FBXW8: variants seen among roughly 807,000 people sequenced by gnomAD.
FBXW8 encodes the protein F-box/WD repeat-containing protein 8.
A neutral mutation model predicts 65.3 loss-of-function variants in FBXW8; 57 were observed. That is an observed-to-expected ratio of 0.87 (90% CI 0.71 to 1.09). The LOEUF (loss-of-function observed/expected upper bound fraction) is 1.09. Ranked by LOEUF, FBXW8 falls within the 50% of genes least tolerant of loss-of-function variation. The probability of loss-of-function intolerance (pLI) is 0.00; values close to 1 mark genes in which losing one functional copy is unlikely to be tolerated. For synonymous variants in FBXW8, 308 were observed against 330.2 expected (o/e 0.93, Z 0.73); for missense variants, 777 against 814.8 (o/e 0.95, Z 0.57).
intron 5 of FBXW8, among the ~76,000 whole-genome samples, chr12:116,982,678 C>T (rs1885398283): frequency 6.7e-6 from 1 of 149,280 alleles, no homozygotes; most frequent in Non-Finnish European, 1.5e-5. Context: ...CTGTGCTACT[C>T]AACCTTGTGG....
At chr12:116,927,908 C>A in intron 1 of FBXW8, 115 bp from the exon 2 acceptor site, 1 of 632,300 alleles carries the variant, frequency 1.6e-6, no homozygotes. Context: ...TGGGAAACAG[C>A]CTCATCTATC....
intron 7 of FBXW8, 42 bp downstream of exon 7, chr12:116,988,911 A>G: frequency 6.5e-7 from 1 of 1,543,938 alleles, no homozygotes; most frequent in Non-Finnish European, 8.9e-7. Flanking sequence ...AAAAGAATAT[A>G]GATTTATTTT....
intron 5 of FBXW8, among the ~76,000 whole-genome samples, chr12:116,971,781 C>A (rs545174115): frequency 1.1e-4 from 17 of 151,654 alleles, no homozygotes; most frequent in Non-Finnish European, 2.2e-4. Flanking sequence ...GCTGTGGGAT[C>A]TCGGTACCAG....
intron 2 of FBXW8, among the ~76,000 whole-genome samples, chr12:116,932,361 C>G (rs1038380382): frequency 6.6e-6 from 1 of 152,134 alleles, no homozygotes; most frequent in Non-Finnish European, 1.5e-5. Flanking sequence ...GCAAAATTCA[C>G]TGGTAGGAAA....
chr12:116,932,258 CA>C (rs34535467), intron 2 of FBXW8, among the ~76,000 whole-genome samples: 1 of 152,036 alleles, frequency 6.6e-6, no homozygotes, highest in Non-Finnish European at 1.5e-5. Context: ...CCATAACTGC[CA>C]AAAAATTAGT....
At chr12:117,009,585 A>G (rs1199719767) in intron 7 of FBXW8, among the ~76,000 whole-genome samples, 1 of 152,070 alleles carries the variant, frequency 6.6e-6, no homozygotes, top group Non-Finnish European at 1.5e-5. Context: ...CATAGGAAGC[A>G]TTTAATGTTC....
intron 8 of FBXW8, among the ~76,000 whole-genome samples, chr12:117,022,610 G>A (rs1449788227): frequency 6.6e-6 from 1 of 152,126 alleles, no homozygotes; most frequent in Non-Finnish European, 1.5e-5. Flanking sequence ...AGCCATGATG[G>A]TGCCACTACA....
chr12:116,956,770 C>A (rs532122454), intron 4 of FBXW8, among the ~76,000 whole-genome samples: 2 of 152,134 alleles, frequency 1.3e-5, no homozygotes, highest in African/African-American at 4.8e-5. Context: ...GAGTTTGAGA[C>A]CAGCCTGGCT....
Position 116,983,092 on chromosome 12 carries a change from C to T in FBXW8, c.836-2114C>T, listed in dbSNP as rs960313201. Among the ~76,000 whole-genome samples the T allele has an allele frequency of 3.9e-5, 6 of 152,274 alleles. No homozygotes were observed. In the East Asian group the frequency reaches 9.6e-4, roughly 24 times the overall value. ...TGAATGCCCAGTGAGAGGAGACACACGAGTCTCTGAAGACTCAGAAGCTCT... is the reference window on the plus strand; with the variant it reads ...TGAATGCCCAGTGAGAGGAGACACATGAGTCTCTGAAGACTCAGAAGCTCT... On this transcript the variant is annotated intron_variant, in intron 5 of 10. Transcript: ENST00000652555.
At chr12:116,929,192 C>T (rs138087117) in intron 2 of FBXW8, among the ~76,000 whole-genome samples, 107 of 152,258 alleles carry the variant, frequency 7.0e-4, no homozygotes, top group African/African-American at 2.5e-3. Context: ...CCATTAACAT[C>T]GTTCTCTTGT....
At position 116,967,159 on chromosome 12, in the gene FBXW8, CT is replaced by C. The variant is rs769662348; in HGVS notation, c.835+2320del. Among the ~76,000 whole-genome samples, 970 of 141,974 alleles carry C rather than the reference CT, an allele frequency of 6.8e-3. 4 individuals carry two copies. The highest frequency in any genetic ancestry group is 8.7e-3 in the East Asian group (43 of 4,920). The allele number at this position is 141,974 out of a possible 152,430, so 93.1% of individuals were successfully genotyped here. Reference sequence around the variant, plus strand: ...TCCTGCTCTGTATACTTCTCTGCACCTTTTTTTTTTTTTTTAATAACCTAAT... The same window carrying C: ...TCCTGCTCTGTATACTTCTCTGCACCTTTTTTTTTTTTTTAATAACCTAAT... On this transcript the variant is annotated intron_variant, in intron 5 of 10. Coordinates refer to ENST00000652555, the MANE Select transcript of FBXW8 (RefSeq NM_153348.3).
At position 116,911,016 on chromosome 12, in the gene FBXW8, TGGAGCGCCG is replaced by T; in HGVS notation, c.-15_-7del. On this transcript the variant is annotated 5_prime_UTR_variant, in exon 1 of 11. Transcript: ENST00000652555. ...GCACCCGGTGGAACCGAGGAGAACG[TGGAGCGCCG>T]GGAGCGGCGAATATGGACGACTACA... 1 of 1,387,256 alleles carries T rather than the reference TGGAGCGCCG, an allele frequency of 7.2e-7. No individual in the cohort carries two copies. The highest frequency in any genetic ancestry group is 9.3e-7 in the Non-Finnish European group (1 of 1,076,714). 85.9% of individuals were successfully genotyped at this position (1,387,256 alleles called of 1,614,324 possible).
intron 2 of FBXW8, among the ~76,000 whole-genome samples, chr12:116,931,717 G>A (rs1463033508): frequency 6.6e-6 from 1 of 151,684 alleles, no homozygotes; most frequent in African/African-American, 2.4e-5. Flanking sequence ...TATTGATTTT[G>A]TACCCATAAC....
rs1374526225 is a variant in FBXW8, at chr12:116,950,993, TAAAAA to T, written c.677+1288_677+1292del. On this transcript the variant is annotated intron_variant, in intron 4 of 10. Coordinates refer to ENST00000652555, the MANE Select transcript of FBXW8 (RefSeq NM_153348.3). ...GGACTGAAAGAGTCGCAAAAGAACT[TAAAAA>T]TAAAGGAGAGCCTTGACTCTCAAAG... The T allele has an allele frequency of 2.0e-5, 3 of 152,070 alleles. No homozygotes were observed. The East Asian group carries it at 5.8e-4, about 29-fold the overall frequency. 9.4% of individuals were successfully genotyped at this position (152,070 alleles called of 1,614,324 possible).
intron 1 of FBXW8, among the ~76,000 whole-genome samples, chr12:116,927,340 G>A (rs972825930): frequency 1.3e-5 from 2 of 152,170 alleles, no homozygotes; most frequent in African/African-American, 4.8e-5. Context: ...AAATGACACC[G>A]AAGAAGAACT....
At chr12:116,923,276 A>ATTTT (rs200829979) in intron 1 of FBXW8, among the ~76,000 whole-genome samples, 1 of 148,998 alleles carries the variant, frequency 6.7e-6, no homozygotes, top group Non-Finnish European at 1.5e-5. Context: ...GGCCCTTGGC[A>ATTTT]TTTTTTTTTT....
chr12:116,933,565 C>T (rs1359500496), intron 2 of FBXW8, among the ~76,000 whole-genome samples: 2 of 152,200 alleles, frequency 1.3e-5, no homozygotes, highest in Non-Finnish European at 2.9e-5. Flanking sequence ...CAGAATTCTT[C>T]CCTCTATGGC....
chr12:116,952,756 G>A (rs1228409737), intron 4 of FBXW8, among the ~76,000 whole-genome samples: 1 of 151,694 alleles, frequency 6.6e-6, no homozygotes, highest in Non-Finnish European at 1.5e-5. Flanking sequence ...TTATTGTTTT[G>A]AGACACAGTC....
At chr12:116,986,413 G>C (rs1221127597) in intron 6 of FBXW8, 1 of 152,206 alleles carries the variant, frequency 6.6e-6, no homozygotes, top group Non-Finnish European at 1.5e-5. Context: ...TGTGTCACAA[G>C]GTCAGGAGAT....
Sources: gnomAD v4.1 joint callset for allele counts (sites outside exome capture counted in the v4.1 genomes callset) on GRCh38, gnomAD v4.1.1 for gene constraint, MANE v1.5 for transcripts, NCBI Gene and HGNC (gene_info 2026-07-23, HGNC 2026-07-21) for gene names.